The following CHD6 variants were observed in gnomAD, a reference collection of about 807,000 sequenced individuals.
CHD6 encodes the protein ATP-dependent chromatin remodeler CHD6.
CHD6 carries 50 observed loss-of-function variants against 276.9 expected under a neutral mutation model. The ratio of observed to expected loss-of-function variants is 0.18; its 90% CI spans 0.14 to 0.23. The LOEUF is 0.23. Ranked by LOEUF, CHD6 falls within the 10% of genes least tolerant of loss-of-function variation. The pLI is 1.00. For missense variants in CHD6, 2,564 were observed against 3,365.8 expected (o/e 0.76, Z 5.89); for synonymous variants, 1,173 against 1,229.3 (o/e 0.95, Z 0.96).
chr20:41,517,363 T>C (rs1308813000), intron 3 of CHD6, among the ~76,000 whole-genome samples: 2 of 152,126 alleles, frequency 1.3e-5, no homozygotes, highest in Non-Finnish European at 2.9e-5. Flanking sequence ...AAATAATCTA[T>C]ACAACCAACC....
rs192672196 is a variant in CHD6 at position 41,617,843 on chromosome 20, G to A, written c.-24+497C>T. ...TCCTCCACCCCTGCAAACAGACGCA[G>A]GACGCGAATAGAGCAACTTCTCCGC... On this transcript the variant is annotated intron_variant, in intron 1 of 36. Coordinates refer to ENST00000373233, the MANE Select transcript of CHD6 (RefSeq NM_032221.5). Among the ~76,000 whole-genome samples, 1,113 of 151,440 alleles carry A rather than the reference G, an allele frequency of 7.3e-3. 18 individuals are homozygous for A. Among genetic ancestry groups the A allele is most frequent in the African/African-American group, 0.024 (994 of 41,350 alleles).
intron 14 of CHD6, among the ~76,000 whole-genome samples, chr20:41,486,491 C>T (rs958810347): frequency 6.6e-6 from 1 of 152,158 alleles, no homozygotes; most frequent in African/African-American, 2.4e-5. Context: ...TTATTCACTG[C>T]TCTGATGCAA....
intron 1 of CHD6, among the ~76,000 whole-genome samples, chr20:41,573,217 T>C (rs2045438156): frequency 6.6e-6 from 1 of 152,162 alleles, no homozygotes; most frequent in Non-Finnish European, 1.5e-5. Context: ...CCAAGACCAT[T>C]CTACTACCAC....
intron 1 of CHD6, among the ~76,000 whole-genome samples, chr20:41,552,401 T>C (rs745892213): frequency 2.0e-5 from 3 of 152,204 alleles, no homozygotes; most frequent in Non-Finnish European, 4.4e-5. Flanking sequence ...CTTTTAAGAT[T>C]AGAGCTTTAA....
At chr20:41,549,037 C>T (rs1178880614) in intron 2 of CHD6, among the ~76,000 whole-genome samples, 8 of 152,232 alleles carry the variant, frequency 5.3e-5, no homozygotes, top group South Asian at 2.1e-4. Flanking sequence ...ACTTTTACAC[C>T]ATTGGTGGGA....
At chr20:41,575,982 A>T (rs1211200410) in intron 1 of CHD6, among the ~76,000 whole-genome samples, 2 of 152,232 alleles carry the variant, frequency 1.3e-5, no homozygotes, top group African/African-American at 4.8e-5. Flanking sequence ...TTTTGAAGAA[A>T]CAGTAATATC....
intron 17 of CHD6, chr20:41,459,417 T>G (rs1172398967): frequency 1.3e-5 from 2 of 152,300 alleles, no homozygotes; most frequent in Non-Finnish European, 2.9e-5. Context: ...TAAGAAAGCT[T>G]GAAGTTCATC....
chr20:41,571,796 T>A (rs1364753007), intron 1 of CHD6, among the ~76,000 whole-genome samples: 3 of 152,100 alleles, frequency 2.0e-5, no homozygotes, highest in Non-Finnish European at 4.4e-5. Context: ...GGTTACACCA[T>A]ATTTTAAATT....
At chr20:41,517,945 C>T (rs1026999830) in intron 3 of CHD6, among the ~76,000 whole-genome samples, 1 of 152,182 alleles carries the variant, frequency 6.6e-6, no homozygotes, top group Non-Finnish European at 1.5e-5. Context: ...CTTCAAATAT[C>T]CTTTAATGTT....
chr20:41,521,763 C>G (rs867886077), intron 3 of CHD6, among the ~76,000 whole-genome samples: 1 of 152,074 alleles, frequency 6.6e-6, no homozygotes, highest in South Asian at 2.1e-4. Context: ...GGAAGACAGA[C>G]GATGAGCCCG....
rs2046583274 is a variant in CHD6 at position 41,403,379 on chromosome 20, G to A, written c.*1214C>T. The stretch of plus-strand genomic sequence containing the variant: ...AGGTGAAAGGACATGGGGAAGTGCT[G>A]CTTAGGCAGTTTCTTTCTCAGTTCC... On this transcript the variant is annotated 3_prime_UTR_variant, in exon 37 of 37. Transcript: ENST00000373233. The A allele has an allele frequency of 1.9e-6, 2 of 1,062,874 alleles. No homozygotes were observed. The highest frequency in any genetic ancestry group is 1.1e-6 in the Non-Finnish European group (1 of 877,560). The allele number at this position is 1,062,874 out of a possible 1,614,324, so 65.8% of individuals were successfully genotyped here. A position where few individuals can be genotyped will look rare whatever the true frequency, so the allele number is the denominator to read the frequency against.
At chr20:41,534,314 T>C (rs982643778) in intron 2 of CHD6, among the ~76,000 whole-genome samples, 1 of 152,186 alleles carries the variant, frequency 6.6e-6, no homozygotes, top group Non-Finnish European at 1.5e-5. Flanking sequence ...ACAGCACCAT[T>C]TGTGAGGAAC....
chr20:41,578,541 G>A (rs975778027), intron 1 of CHD6, among the ~76,000 whole-genome samples: 19 of 151,982 alleles, frequency 1.3e-4, no homozygotes, highest in African/African-American at 4.1e-4. Context: ...TTAGCTGGGC[G>A]TAGGGGCAGG....
intron 19 of CHD6, 31 bp downstream of exon 19, chr20:41,455,769 C>G (rs761528655): frequency 3.6e-6 from 5 of 1,391,636 alleles, no homozygotes; most frequent in Non-Finnish European, 4.8e-6. Flanking sequence ...TCTCTCCCAC[C>G]CCCAACAGCT....
At chr20:41,529,480 C>T (rs1328938867) in intron 3 of CHD6, among the ~76,000 whole-genome samples, 3 of 152,140 alleles carry the variant, frequency 2.0e-5, no homozygotes, top group Admixed American at 6.5e-5. Context: ...TGCAATACAA[C>T]AGGGCTATGG....
At chr20:41,458,626 A>G (rs150179773) in intron 17 of CHD6, among the ~76,000 whole-genome samples, 4 of 152,332 alleles carry the variant, frequency 2.6e-5, no homozygotes, top group African/African-American at 4.8e-5. Flanking sequence ...ATAGGTATGG[A>G]TATGTGTACA....
At position 41,431,981 on chromosome 20, in the gene CHD6, A is replaced by G. The variant is rs193275915; in HGVS notation, c.4068+5293T>C. ...CGAGACCAGCCTGGCCAACATGGTG[A>G]AACTCTGTCTCTACTAAAAATACAA... On this transcript the variant is annotated intron_variant, in intron 27 of 36. Coordinates refer to ENST00000373233, the MANE Select transcript of CHD6 (RefSeq NM_032221.5). Among the ~76,000 whole-genome samples the G allele has an allele frequency of 9.5e-4, 144 of 152,082 alleles. 1 individual carries two copies. Among genetic ancestry groups the G allele is most frequent in the African/African-American group, 3.4e-3 (139 of 41,470 alleles).
Position 41,473,538 on chromosome 20 carries a change from G to A in CHD6, c.2469-21C>T, listed in dbSNP as rs779972304. On this transcript the variant is annotated intron_variant, in intron 16 of 36. Transcript: ENST00000373233. The surrounding 1 kb of genome is among the most constrained non-coding windows in gnomAD (Gnocchi z 4.1). ...TGTATCTGAGGGGACCCAAATGAACGAAAGCCCAGGCGTTAATCATGACTT... is the reference window on the plus strand; with the variant it reads ...TGTATCTGAGGGGACCCAAATGAACAAAAGCCCAGGCGTTAATCATGACTT... 3 of 1,604,668 alleles carry A rather than the reference G, an allele frequency of 1.9e-6. No individual in the cohort carries two copies. The highest frequency in any genetic ancestry group is 2.2e-5 in the East Asian group (1 of 44,740).
chr20:41,530,501 G>C (rs2044657564), intron 3 of CHD6, among the ~76,000 whole-genome samples: 1 of 152,148 alleles, frequency 6.6e-6, no homozygotes, highest in African/African-American at 2.4e-5. Flanking sequence ...ATCTGCAAGA[G>C]TAAATCAACG....
Sources: gnomAD v4.1 joint callset for allele counts (sites outside exome capture counted in the v4.1 genomes callset) on GRCh38, gnomAD v4.1.1 for gene constraint, Gnocchi (gnomAD v3.1) non-coding constraint, MANE v1.5 for transcripts, NCBI Gene and HGNC (gene_info 2026-07-23, HGNC 2026-07-21) for gene names.